The following AGTPBP1 variants were observed in gnomAD, a reference collection of about 807,000 sequenced individuals.
AGTPBP1 encodes cytosolic carboxypeptidase 1.
In AGTPBP1, 70 loss-of-function variants were observed where a neutral mutation model predicts 143.9. The observed-to-expected ratio is 0.49, with a 90% CI of 0.40 to 0.59. AGTPBP1 has a LOEUF of 0.59. AGTPBP1 is among the 20% of genes least tolerant of loss of function. The probability of loss-of-function intolerance (pLI) is 0.00; values close to 1 mark genes in which losing one functional copy is unlikely to be tolerated. For missense variants in AGTPBP1, 1,229 were observed against 1,464.5 expected (o/e 0.84, Z 2.62); for synonymous variants, 463 against 500.2 (o/e 0.93, Z 0.99).
intron 4 of AGTPBP1, among the ~76,000 whole-genome samples, chr9:85,679,730 A>G (rs1197465746): frequency 1.3e-5 from 2 of 152,202 alleles, no homozygotes; most frequent in Non-Finnish European, 2.9e-5. Flanking sequence ...AGTTCTTTAC[A>G]TGTCAAAGAA....
chr9:85,599,110 A>AACACACACACAC (rs57074552), intron 17 of AGTPBP1, among the ~76,000 whole-genome samples: 4,982 of 135,356 alleles, frequency 0.037, 120 homozygotes, highest in East Asian at 0.12. Flanking sequence ...CTTGTCACTG[A>AACACACACACAC]ACACACACAC....
the AGTPBP1 span, among the ~76,000 whole-genome samples, chr9:85,766,702 T>C: frequency 1.3e-5 from 2 of 152,090 alleles, no homozygotes; most frequent in African/African-American, 2.4e-5. Flanking sequence ...TTCTTCTTAG[T>C]GTACCTCTCA....
upstream of AGTPBP1, among the ~76,000 whole-genome samples, chr9:85,746,299 A>G (rs1019263479): frequency 1.3e-5 from 2 of 151,976 alleles, no homozygotes; most frequent in Admixed American, 6.6e-5. Flanking sequence ...TCTAACTATC[A>G]ACTTTCCACT....
intron 8 of AGTPBP1, 33 bp downstream of exon 8, chr9:85,669,452 A>G: frequency 7.2e-7 from 1 of 1,384,528 alleles, no homozygotes; most frequent in Middle Eastern, 2.1e-4. Flanking sequence ...AACAAAGGCT[A>G]TACCTATGTT....
the AGTPBP1 span, among the ~76,000 whole-genome samples, chr9:85,766,112 A>G: frequency 1.4e-5 from 2 of 144,830 alleles, no homozygotes; most frequent in African/African-American, 5.2e-5. Flanking sequence ...TAAGCTCTAT[A>G]GAAGATAGAA....
chr9:85,712,213 G>A (rs773940067), intron 2 of AGTPBP1, among the ~76,000 whole-genome samples: 12 of 151,998 alleles, frequency 7.9e-5, no homozygotes, highest in Non-Finnish European at 1.5e-4. Flanking sequence ...GTAGTGAGCC[G>A]AGATCGTGCC....
intron 23 of AGTPBP1, among the ~76,000 whole-genome samples, chr9:85,582,726 C>T (rs1034405457): frequency 6.6e-6 from 1 of 151,818 alleles, no homozygotes; most frequent in Non-Finnish European, 1.5e-5. Context: ...GTTGTATTTT[C>T]CCGCAAAAAC....
chr9:85,694,479 A>C (rs1381082387), intron 2 of AGTPBP1, among the ~76,000 whole-genome samples: 1 of 152,118 alleles, frequency 6.6e-6, no homozygotes, highest in Non-Finnish European at 1.5e-5. Context: ...AGATCTCCCA[A>C]AAGCATCCTG....
the AGTPBP1 span, among the ~76,000 whole-genome samples, chr9:85,763,683 TAC>T: frequency 6.6e-6 from 1 of 152,086 alleles, no homozygotes; most frequent in East Asian, 1.9e-4. Context: ...TCTCCCATAA[TAC>T]ACAGTCAGTA....
At chr9:85,646,496 T>A in intron 11 of AGTPBP1, 78 bp from the exon 12 acceptor site, 1 of 950,022 alleles carries the variant, frequency 1.1e-6, no homozygotes, top group African/African-American at 1.6e-5. Context: ...GAATGTGACT[T>A]ATATAAAGTA....
the AGTPBP1 span, among the ~76,000 whole-genome samples, chr9:85,749,881 A>G: frequency 1.0e-3 from 91 of 89,202 alleles, no homozygotes; most frequent in Non-Finnish European, 8.8e-4. Context: ...GTACTCCTGT[A>G]TCCCTTTTTT....
At chr9:85,764,031 A>G in the AGTPBP1 span, among the ~76,000 whole-genome samples, 47 of 152,082 alleles carry the variant, frequency 3.1e-4, no homozygotes, top group Non-Finnish European at 4.9e-4. Flanking sequence ...CGTATGTTTA[A>G]ACACACCACA....
At chr9:85,592,098 C>T (rs987219627) in intron 19 of AGTPBP1, among the ~76,000 whole-genome samples, 4 of 152,014 alleles carry the variant, frequency 2.6e-5, no homozygotes, top group African/African-American at 9.7e-5. Context: ...TTCAAAAACA[C>T]TCAAATTGCA....
intron 2 of AGTPBP1, among the ~76,000 whole-genome samples, chr9:85,711,933 C>T (rs530162157): frequency 2.0e-5 from 3 of 152,228 alleles, no homozygotes; most frequent in South Asian, 2.1e-4. Context: ...ATATAATGTT[C>T]ATGTATCACA....
At position 85,717,754 on chromosome 9, in the gene AGTPBP1, T is replaced by C. The variant is rs184149856; in HGVS notation, c.-33-5188A>G. 9.9e-5 allele frequency among the ~76,000 whole-genome samples: 15 copies of C among 151,938 alleles called. No homozygotes were observed. In the East Asian group the frequency reaches 1.6e-3, roughly 16 times the overall value. ...TGCAGGTTTGTTCCATAGGTATACA[T>C]TGCCATGTTGGTTTGCCACACCCAT... On this transcript the variant is annotated intron_variant, in intron 1 of 25. Coordinates refer to ENST00000357081, the MANE Select transcript of AGTPBP1 (RefSeq NM_001330701.2).
At chr9:85,581,506 A>T (rs1036451259) in intron 23 of AGTPBP1, among the ~76,000 whole-genome samples, 1 of 152,236 alleles carries the variant, frequency 6.6e-6, no homozygotes, top group African/African-American at 2.4e-5. Flanking sequence ...TAATTGTTAG[A>T]TGTTGGTCTA....
chr9:85,702,576 T>A (rs1479112083), intron 2 of AGTPBP1, among the ~76,000 whole-genome samples: 1 of 152,024 alleles, frequency 6.6e-6, no homozygotes, highest in African/African-American at 2.4e-5. Context: ...TTTTTTTTTT[T>A]AATTTGTAGT....
upstream of AGTPBP1, among the ~76,000 whole-genome samples, chr9:85,746,413 G>A (rs141000644): frequency 9.9e-5 from 15 of 152,158 alleles, no homozygotes; most frequent in Admixed American, 5.9e-4. Context: ...ATTGGAGCCA[G>A]GAGTTCAAGA....
chr9:85,637,540 G>A (rs565786214), intron 13 of AGTPBP1, among the ~76,000 whole-genome samples: 1 of 152,226 alleles, frequency 6.6e-6, no homozygotes, highest in East Asian at 1.9e-4. Flanking sequence ...CATATGCTCA[G>A]CAAAAGCCTG....
Sources: allele counts gnomAD v4.1 joint callset (sites outside exome capture counted in the v4.1 genomes callset), GRCh38; gene constraint gnomAD v4.1.1; transcripts MANE v1.5; gene names NCBI Gene and HGNC (gene_info 2026-07-23, HGNC 2026-07-21).